Variants in FRMPD1 observed in about 807,000 individuals in gnomAD.
FRMPD1 encodes the protein FERM and PDZ domain-containing protein 1.
In FRMPD1, 76 loss-of-function variants were observed where a neutral mutation model predicts 117.8. That is an observed-to-expected ratio of 0.65 (90% CI 0.54 to 0.78). The LOEUF is 0.78. Among genes scored for constraint, FRMPD1 ranks in the 30% least tolerant of loss-of-function variants. The probability of loss-of-function intolerance (pLI) is 0.00; values close to 1 mark genes in which losing one functional copy is unlikely to be tolerated. For missense variants in FRMPD1, 1,786 were observed against 1,964.5 expected (o/e 0.91, Z 1.72); for synonymous variants, 783 against 770.4 (o/e 1.02, Z -0.27).
At chr9:37,668,480 A>G (rs1821239020) in intron 1 of FRMPD1, 1 of 152,286 alleles carries the variant, frequency 6.6e-6, no homozygotes, top group Non-Finnish European at 1.5e-5. Flanking sequence ...CTTTAAAAAT[A>G]GCTGTGTGCT....
At chr9:37,682,776 C>G (rs551991873) in intron 1 of FRMPD1, among the ~76,000 whole-genome samples, 13 of 152,282 alleles carry the variant, frequency 8.5e-5, no homozygotes, top group Non-Finnish European at 1.8e-4. Flanking sequence ...GTGAGAAAAA[C>G]AGATTCCTTA....
intron 14 of FRMPD1, among the ~76,000 whole-genome samples, chr9:37,737,736 TC>T (rs1824199372): frequency 6.8e-6 from 1 of 147,652 alleles, no homozygotes; most frequent in South Asian, 2.1e-4. Flanking sequence ...GGCAAGAGAA[TC>T]GCTTGAACCC....
intron 1 of FRMPD1, among the ~76,000 whole-genome samples, chr9:37,671,927 C>T (rs1821364822): frequency 6.6e-6 from 1 of 152,192 alleles, no homozygotes; most frequent in East Asian, 1.9e-4. Context: ...GATCGTGCCA[C>T]TGCACTCCAG....
At chr9:37,607,215 T>C in the FRMPD1 span, among the ~76,000 whole-genome samples, 591 of 152,062 alleles carry the variant, frequency 3.9e-3, 3 homozygotes, top group African/African-American at 0.014. Flanking sequence ...CTTGGGAGGC[T>C]GAAGCAGGGA....
At chr9:37,668,171 T>A (rs920695607) in intron 1 of FRMPD1, 3 of 152,264 alleles carry the variant, frequency 2.0e-5, no homozygotes, top group Admixed American at 6.5e-5. Context: ...GTTTCCTCTC[T>A]CGACTGGCTC....
At chr9:37,709,132 T>C (rs963609574) in intron 4 of FRMPD1, among the ~76,000 whole-genome samples, 1 of 151,938 alleles carries the variant, frequency 6.6e-6, no homozygotes, top group African/African-American at 2.4e-5. Context: ...GACGGAGGAG[T>C]GCCATTGATA....
intron 2 of FRMPD1, among the ~76,000 whole-genome samples, chr9:37,693,516 C>T (rs1822220521): frequency 6.6e-6 from 1 of 152,154 alleles, no homozygotes; most frequent in South Asian, 2.1e-4. Context: ...TTCTCTGATC[C>T]TCACACACCG....
At chr9:37,718,597 A>G (rs1416305920) in intron 5 of FRMPD1, among the ~76,000 whole-genome samples, 1 of 152,244 alleles carries the variant, frequency 6.6e-6, no homozygotes, top group Non-Finnish European at 1.5e-5. Context: ...TCAGAGTTTC[A>G]GGGAACCCCG....
chr9:37,718,723 A>G (rs531251734), intron 5 of FRMPD1, among the ~76,000 whole-genome samples: 1 of 152,206 alleles, frequency 6.6e-6, no homozygotes, highest in African/African-American at 2.4e-5. Context: ...GTTTTCTTTC[A>G]TAAGAATTTG....
intron 14 of FRMPD1, among the ~76,000 whole-genome samples, chr9:37,737,633 G>A (rs1824194965): frequency 6.6e-6 from 1 of 152,030 alleles, no homozygotes; most frequent in South Asian, 2.1e-4. Context: ...AGACCAGCCT[G>A]GCCAACATGG....
the FRMPD1 span, among the ~76,000 whole-genome samples, chr9:37,620,318 C>T: frequency 1.6e-4 from 25 of 152,090 alleles, no homozygotes; most frequent in African/African-American, 3.6e-4. Flanking sequence ...TGAGCAGTTT[C>T]GCCACTGACA....
At chr9:37,730,689 A>G (rs1420362754) in intron 8 of FRMPD1, among the ~76,000 whole-genome samples, 5 of 152,246 alleles carry the variant, frequency 3.3e-5, no homozygotes, top group African/African-American at 1.2e-4. Flanking sequence ...ATGAATATAC[A>G]TAAACTGTCT....
chr9:37,696,650 T>G (rs894511701), intron 2 of FRMPD1, among the ~76,000 whole-genome samples: 5 of 152,228 alleles, frequency 3.3e-5, no homozygotes, highest in Non-Finnish European at 1.5e-5. Flanking sequence ...GATTTAGCAT[T>G]TGAATACTAA....
intron 1 of FRMPD1, among the ~76,000 whole-genome samples, chr9:37,665,832 C>T (rs752886634): frequency 6.6e-6 from 1 of 152,096 alleles, no homozygotes; most frequent in African/African-American, 2.4e-5. Flanking sequence ...TTCTGGACCC[C>T]AGCAGCCACA....
intron 1 of FRMPD1, among the ~76,000 whole-genome samples, chr9:37,652,477 T>G (rs139876310): frequency 1.1e-4 from 16 of 152,332 alleles, no homozygotes; most frequent in African/African-American, 3.8e-4. Context: ...TGAAACGCAT[T>G]ACCACGAAAG....
chr9:37,650,151 T>C (rs1356750181), upstream of FRMPD1, among the ~76,000 whole-genome samples: 1 of 152,200 alleles, frequency 6.6e-6, no homozygotes, highest in East Asian at 1.9e-4. Context: ...CAGTGTCTAA[T>C]GCAGGATATG....
chr9:37,633,029 A>ATTT, the FRMPD1 span, among the ~76,000 whole-genome samples: 10 of 68,998 alleles, frequency 1.4e-4, no homozygotes, highest in South Asian at 1.6e-3. Flanking sequence ...ATATATATAT[A>ATTT]TATTTTTCTT....
At chr9:37,663,326 A>G (rs1292791368) in intron 1 of FRMPD1, among the ~76,000 whole-genome samples, 2 of 152,018 alleles carry the variant, frequency 1.3e-5, no homozygotes, top group African/African-American at 2.4e-5. Flanking sequence ...CTTTTGGAGG[A>G]GTCTGCATTG....
At chr9:37,695,744 C>A (rs1453087774) in intron 2 of FRMPD1, among the ~76,000 whole-genome samples, 1 of 152,192 alleles carries the variant, frequency 6.6e-6, no homozygotes, top group African/African-American at 2.4e-5. Context: ...TCCACCCCAT[C>A]AGCAGCTCCT....
Sources: gnomAD v4.1 joint callset for allele counts (sites outside exome capture counted in the v4.1 genomes callset) on GRCh38, gnomAD v4.1.1 for gene constraint, MANE v1.5 for transcripts, NCBI Gene and HGNC (gene_info 2026-07-23, HGNC 2026-07-21) for gene names.